Variants in ZNF91 observed in about 807,000 individuals in gnomAD.
The protein encoded by ZNF91 is zinc finger protein 91, also known as zinc finger protein 91 (HPF7, HTF10).
Under a neutral mutation model 12.6 loss-of-function variants are expected in ZNF91, and 7 were observed. The ratio of observed to expected loss-of-function variants is 0.55; its 90% CI spans 0.31 to 1.04. The LOEUF is 1.04. Among genes scored for constraint, ZNF91 ranks in the 50% least tolerant of loss-of-function variants. ZNF91 has a pLI of 0.05. For missense variants in ZNF91, 1,217 were observed against 1,385.4 expected (o/e 0.88, Z 1.93); for synonymous variants, 453 against 462.6 (o/e 0.98, Z 0.27).
chr19:23,334,469 T>G (rs1238081602), downstream of ZNF91, among the ~76,000 whole-genome samples: 3 of 152,208 alleles, frequency 2.0e-5, no homozygotes, highest in African/African-American at 7.2e-5. Context: ...TTGGTACCCT[T>G]TTTGATAGAA....
chr19:23,376,570 G>A (rs1023644114), intron 1 of ZNF91, among the ~76,000 whole-genome samples: 4 of 151,852 alleles, frequency 2.6e-5, no homozygotes, highest in African/African-American at 9.7e-5. Context: ...TGTATTTTTT[G>A]TAGAGACAGG....
intron 3 of ZNF91, among the ~76,000 whole-genome samples, chr19:23,344,534 T>G (rs1390659938): frequency 6.6e-6 from 1 of 152,250 alleles, no homozygotes; most frequent in Non-Finnish European, 1.5e-5. Flanking sequence ...GACACATTTC[T>G]TTGAATTAAT....
intron 2 of ZNF91, chr19:23,307,819 C>T (rs1198251484): frequency 2.0e-5 from 3 of 152,244 alleles, no homozygotes; most frequent in East Asian, 3.9e-4. Flanking sequence ...GGTGATGTAA[C>T]TCTCCTCTAC....
intron 3 of ZNF91, among the ~76,000 whole-genome samples, chr19:23,364,685 T>G (rs574907681): frequency 6.6e-6 from 1 of 151,984 alleles, no homozygotes; most frequent in Non-Finnish European, 1.5e-5. Context: ...TAAAAAAATA[T>G]AGATTCAGAA....
At position 23,395,441 on chromosome 19, in the gene ZNF91, A is replaced by T; in HGVS notation, c.-87T>A. ...CAGAGGACACAGAGCAGTGAAGTCG[A>T]GACCTGGAAACTCCGGCGGCAGCGA... On this transcript the variant is annotated 5_prime_UTR_variant, in exon 1 of 4. Transcript: ENST00000300619. The T allele has an allele frequency of 6.6e-7, 1 of 1,519,278 alleles. No homozygotes were observed. Among genetic ancestry groups the T allele is most frequent in the Non-Finnish European group, 9.0e-7 (1 of 1,114,540 alleles). The allele number at this position is 1,519,278 out of a possible 1,614,324, so 94.1% of individuals were successfully genotyped here.
At chr19:23,374,559 C>CAAAAAAAAAAAAAAAAAAAAAAA in intron 2 of ZNF91, 79 bp downstream of exon 2, 1 of 888,122 alleles carries the variant, frequency 1.1e-6, no homozygotes. Flanking sequence ...GACTCTGTCT[C>CAAAAAAAAAAAAAAAAAAAAAAA]AAAAAAAAAA....
At chr19:23,393,926 G>A (rs1039546213) in intron 1 of ZNF91, among the ~76,000 whole-genome samples, 2 of 152,210 alleles carry the variant, frequency 1.3e-5, no homozygotes, top group African/African-American at 4.8e-5. Context: ...TTTGAGCCCA[G>A]TAGGCGGAGG....
At chr19:23,326,292 A>G (rs910381753) in intron 1 of ZNF91, 1 of 152,154 alleles carries the variant, frequency 6.6e-6, no homozygotes, top group African/African-American at 2.4e-5. Flanking sequence ...GCACAATTGC[A>G]TGGTTGGTGC....
intron 1 of ZNF91, among the ~76,000 whole-genome samples, chr19:23,316,866 A>G (rs1967570468): frequency 6.6e-6 from 1 of 152,124 alleles, no homozygotes; most frequent in African/African-American, 2.4e-5. Flanking sequence ...TGGGTTTCTC[A>G]TATTCTTACA....
At chr19:23,376,379 C>T (rs1032551055) in intron 1 of ZNF91, among the ~76,000 whole-genome samples, 4 of 146,864 alleles carry the variant, frequency 2.7e-5, no homozygotes, top group Non-Finnish European at 1.5e-5. Flanking sequence ...CTATCATAAG[C>T]TTTTTTTTTT....
chr19:23,321,255 ACT>A (rs1193849767), intron 1 of ZNF91, among the ~76,000 whole-genome samples: 2 of 152,100 alleles, frequency 1.3e-5, no homozygotes, highest in Admixed American at 1.3e-4. Flanking sequence ...AGGCGAGATG[ACT>A]CTATTCTCAA....
At chr19:23,372,340 C>A (rs189953115) in intron 3 of ZNF91, among the ~76,000 whole-genome samples, 1 of 152,232 alleles carries the variant, frequency 6.6e-6, no homozygotes, top group East Asian at 1.9e-4. Flanking sequence ...CCTGTAATGA[C>A]AGCTACATGG....
chr19:23,386,865 C>T (rs1247915073), intron 1 of ZNF91, among the ~76,000 whole-genome samples: 1 of 152,126 alleles, frequency 6.6e-6, no homozygotes, highest in Admixed American at 6.5e-5. Context: ...ACACAGTAAA[C>T]AGACAACCTA....
intron 1 of ZNF91, chr19:23,380,606 C>A (rs1462222620): frequency 6.6e-6 from 1 of 151,818 alleles, no homozygotes; most frequent in Non-Finnish European, 1.5e-5. Context: ...GAGAAAAAAA[C>A]AAGTTAAAAG....
chr19:23,388,294 T>A (rs1969943609), intron 1 of ZNF91, among the ~76,000 whole-genome samples: 1 of 151,954 alleles, frequency 6.6e-6, no homozygotes, highest in Non-Finnish European at 1.5e-5. Context: ...ATAAACATCA[T>A]GGAATACCGT....
rs563827277 is a variant in ZNF91 at position 23,395,434 on chromosome 19, G to T, written c.-80C>A. ...CCTGGAGCAGAGGACACAGAGCAGTGAAGTCGAGACCTGGAAACTCCGGCG... is the reference window on the plus strand; with the variant it reads ...CCTGGAGCAGAGGACACAGAGCAGTTAAGTCGAGACCTGGAAACTCCGGCG... On this transcript the variant is annotated 5_prime_UTR_variant, in exon 1 of 4. Transcript: ENST00000300619. 2.6e-6 allele frequency: 4 copies of T among 1,554,146 alleles called. No individual in the cohort carries two copies. Among genetic ancestry groups the T allele is most frequent in the Non-Finnish European group, 3.5e-6 (4 of 1,140,280 alleles).
At chr19:23,346,372 C>A (rs940851844) in intron 3 of ZNF91, among the ~76,000 whole-genome samples, 1 of 152,094 alleles carries the variant, frequency 6.6e-6, no homozygotes, top group Admixed American at 6.5e-5. Context: ...ACCAGGACCC[C>A]ACTGAGATTA....
chr19:23,361,586 T>C lies in ZNF91; in HGVS notation c.1393A>G (p.Lys465Glu), dbSNP rs767911031. 2 of 1,613,486 alleles carry C rather than the reference T, an allele frequency of 1.2e-6. No individual in the cohort carries two copies. The highest frequency in any genetic ancestry group is 2.2e-5 in the South Asian group (2 of 91,048). Residue 465 changes from lysine (K) to glutamate (E), a missense_variant, in exon 4 of 4, where the codon AAA becomes GAA. Coordinates refer to ENST00000300619, the MANE Select transcript of ZNF91 (RefSeq NM_003430.4). ...CATATAAATGCTTTGCCACATTCTT[T>C]ACATTTGAAGGGTTTCTCTCTAGTA... The part of the protein sequence containing the change: ...FHTREKPFKC[K>E]ECGKAFIWSS...
At position 23,364,583 on chromosome 19, in the gene ZNF91, GTT is replaced by G. The variant is rs71163491; in HGVS notation, c.254-1860_254-1859del. On this transcript the variant is annotated intron_variant, in intron 3 of 3. Coordinates refer to ENST00000300619, the MANE Select transcript of ZNF91 (RefSeq NM_003430.4). ...AAATATTTATTTTCTGGTAAATTTT[GTT>G]TTTTTTTTGACAAGTAAAAATAATA... 5.5e-3 allele frequency among the ~76,000 whole-genome samples: 822 copies of G among 148,632 alleles called. 4 individuals are homozygous for G. Among genetic ancestry groups the G allele is most frequent in the African/African-American group, 0.018 (751 of 40,688 alleles).
Sources: allele counts gnomAD v4.1 joint callset (sites outside exome capture counted in the v4.1 genomes callset), GRCh38; gene constraint gnomAD v4.1.1; transcripts MANE v1.5; gene names NCBI Gene and HGNC (gene_info 2026-07-23, HGNC 2026-07-21).